Variants in PKIB observed in about 807,000 individuals in gnomAD.
The protein encoded by PKIB is cAMP-dependent protein kinase inhibitor beta.
A neutral mutation model predicts 4.5 loss-of-function variants in PKIB; 2 were observed. The ratio of observed to expected loss-of-function variants is 0.44; its 90% CI spans 0.18 to 1.39. The LOEUF (loss-of-function observed/expected upper bound fraction) is 1.39. Ranked by LOEUF, PKIB falls within the 40% of genes most tolerant of loss-of-function variation. PKIB has a pLI of 0.27. For missense variants in PKIB, 94 were observed against 92.6 expected, an observed-to-expected ratio of 1.02 and a Z score of -0.06; for synonymous variants, 38 against 36.0, an observed-to-expected ratio of 1.06 and a Z score of -0.20.
At chr6:122,615,099 C>T (rs1227355234) in intron 1 of PKIB, among the ~76,000 whole-genome samples, 1 of 152,090 alleles carries the variant, frequency 6.6e-6, no homozygotes, top group Non-Finnish European at 1.5e-5. Context: ...TTCACAGAAA[C>T]CACTCTTCTT....
chr6:122,673,483 C>T (rs1777544559), intron 2 of PKIB, among the ~76,000 whole-genome samples: 1 of 152,164 alleles, frequency 6.6e-6, no homozygotes, highest in Non-Finnish European at 1.5e-5. Flanking sequence ...TTCTCACTTC[C>T]TCTTCTCAGT....
intron 2 of PKIB, among the ~76,000 whole-genome samples, chr6:122,539,881 G>A (rs1777538160): frequency 6.6e-6 from 1 of 152,038 alleles, no homozygotes; most frequent in Admixed American, 6.5e-5. Context: ...TCTATTCAGA[G>A]ATTCAACTTC....
chr6:122,604,380 A>C (rs1774463200), intron 3 of PKIB, among the ~76,000 whole-genome samples: 1 of 152,216 alleles, frequency 6.6e-6, no homozygotes, highest in South Asian at 2.1e-4. Flanking sequence ...TTCCTCAATA[A>C]GTTTCCCAAA....
chr6:122,553,305 A>G (rs927206644), intron 2 of PKIB, among the ~76,000 whole-genome samples: 6 of 152,016 alleles, frequency 3.9e-5, no homozygotes, highest in Non-Finnish European at 7.4e-5. Context: ...AGTTTTTGCC[A>G]TTAAAAGTAA....
At chr6:122,582,194 T>A (rs969519491) in intron 2 of PKIB, among the ~76,000 whole-genome samples, 1 of 152,010 alleles carries the variant, frequency 6.6e-6, no homozygotes, top group East Asian at 1.9e-4. Context: ...AGTCCTAAAA[T>A]CATCCAGGTC....
At chr6:122,708,627 G>A (rs1779151876) in intron 3 of PKIB, among the ~76,000 whole-genome samples, 1 of 152,094 alleles carries the variant, frequency 6.6e-6, no homozygotes, top group Non-Finnish European at 1.5e-5. Context: ...TTCTGGAAAT[G>A]TCTCAGAGTT....
At chr6:122,721,357 T>A (rs926371811) in intron 4 of PKIB, among the ~76,000 whole-genome samples, 5 of 152,236 alleles carry the variant, frequency 3.3e-5, no homozygotes, top group Non-Finnish European at 7.3e-5. Flanking sequence ...AAGGGTGCTG[T>A]AGTCAAATGA....
At chr6:122,703,353 C>G (rs895504010) in intron 3 of PKIB, among the ~76,000 whole-genome samples, 2 of 151,974 alleles carry the variant, frequency 1.3e-5, no homozygotes, top group African/African-American at 4.8e-5. Flanking sequence ...GCAAACACAG[C>G]AGGAAACAGT....
chr6:122,529,694 T>C (rs571597160), intron 2 of PKIB, among the ~76,000 whole-genome samples: 62 of 152,302 alleles, frequency 4.1e-4, no homozygotes, highest in African/African-American at 1.3e-3. Context: ...GGGATGTTTT[T>C]GCTGGATACA....
At chr6:122,589,260 A>G (rs1773946231) in intron 3 of PKIB, among the ~76,000 whole-genome samples, 3 of 152,146 alleles carry the variant, frequency 2.0e-5, no homozygotes, top group South Asian at 4.1e-4. Context: ...TATTCCATGA[A>G]ATACTATGCA....
chr6:122,484,055 C>T (rs1000234698), intron 2 of PKIB: 1 of 152,020 alleles, frequency 6.6e-6, no homozygotes, highest in Non-Finnish European at 1.5e-5. Flanking sequence ...GTTTTACTGC[C>T]ATCACCTAAC....
chr6:122,610,044 C>A (rs1774682099), upstream of PKIB, among the ~76,000 whole-genome samples: 1 of 152,130 alleles, frequency 6.6e-6, no homozygotes, highest in Non-Finnish European at 1.5e-5. Context: ...CACGATGCGA[C>A]GTCGGAAAGC....
intron 3 of PKIB, among the ~76,000 whole-genome samples, chr6:122,594,268 T>C (rs1010832479): frequency 6.6e-6 from 1 of 151,678 alleles, no homozygotes; most frequent in South Asian, 2.1e-4. Flanking sequence ...AGTGCAGTGG[T>C]GCGATCTCTG....
At chr6:122,653,387 G>A (rs535736316) in intron 2 of PKIB, among the ~76,000 whole-genome samples, 2 of 152,050 alleles carry the variant, frequency 1.3e-5, no homozygotes, top group South Asian at 4.2e-4. Context: ...GGTGTGTGTT[G>A]GGCTGTTCTC....
chr6:122,627,191 C>A (rs1775485984), intron 1 of PKIB, among the ~76,000 whole-genome samples: 1 of 150,928 alleles, frequency 6.6e-6, no homozygotes. Context: ...TGCAGTGAGC[C>A]GAGATTGTGC....
chr6:122,520,737 T>C (rs1265131472), intron 2 of PKIB, among the ~76,000 whole-genome samples: 1 of 147,310 alleles, frequency 6.8e-6, no homozygotes, highest in Non-Finnish European at 1.5e-5. Context: ...TTTTAAATTA[T>C]TATAACTAAG....
intron 1 of PKIB, among the ~76,000 whole-genome samples, chr6:122,612,237 G>T (rs1407278339): frequency 1.3e-5 from 2 of 151,840 alleles, no homozygotes; most frequent in Non-Finnish European, 2.9e-5. Flanking sequence ...CAACTTTATT[G>T]AGATATAATT....
At chr6:122,475,704 C>A (rs550298346) in intron 1 of PKIB, among the ~76,000 whole-genome samples, 3 of 151,922 alleles carry the variant, frequency 2.0e-5, no homozygotes, top group Non-Finnish European at 2.9e-5. Flanking sequence ...GAGAATTGCT[C>A]GAACCTGGGA....
intron 2 of PKIB, among the ~76,000 whole-genome samples, chr6:122,646,586 T>C (rs1029898974): frequency 1.3e-5 from 2 of 152,244 alleles, no homozygotes; most frequent in Non-Finnish European, 2.9e-5. Flanking sequence ...AGTGCTATCA[T>C]TGTTTTTCCA....
Sources: allele counts gnomAD v4.1 joint callset (sites outside exome capture counted in the v4.1 genomes callset), GRCh38; gene constraint gnomAD v4.1.1; transcripts MANE v1.5; gene names NCBI Gene and HGNC (gene_info 2026-07-23, HGNC 2026-07-21).